ADGRD1: variants seen among roughly 807,000 people sequenced by gnomAD.
ADGRD1 encodes adhesion G protein-coupled receptor D1.
Under a neutral mutation model 113.4 loss-of-function variants are expected in ADGRD1, and 77 were observed. The ratio of observed to expected loss-of-function variants is 0.68; its 90% confidence interval spans 0.57 to 0.82. The LOEUF (loss-of-function observed/expected upper bound fraction) is 0.82, where lower values mean the gene tolerates loss of function less well. Among genes scored for constraint, ADGRD1 ranks in the 40% least tolerant of loss-of-function variants. The pLI, the probability that ADGRD1 is intolerant of heterozygous loss-of-function variation, is 0.00. For synonymous variants in ADGRD1, 474 were observed against 475.0 expected (o/e 1.00, Z 0.03); for missense variants, 1,036 against 1,139.1 (o/e 0.91, Z 1.30).
intron 5 of ADGRD1, among the ~76,000 whole-genome samples, chr12:130,985,976 T>G (rs1396601172): frequency 2.6e-5 from 4 of 152,154 alleles, no homozygotes; most frequent in Non-Finnish European, 5.9e-5. Context: ...TGACTGTATT[T>G]TTATTGGTCT....
At chr12:130,985,699 C>T (rs1459837779) in intron 5 of ADGRD1, among the ~76,000 whole-genome samples, 1 of 152,000 alleles carries the variant, frequency 6.6e-6, no homozygotes, top group African/African-American at 2.4e-5. Context: ...TTACAGACAC[C>T]TGCCACCACG....
In ADGRD1 at chr12:131,140,975, T is replaced by C. The variant is rs1309142584; in HGVS notation, c.*1712T>C. 6.6e-6 allele frequency: 1 copy of C among 152,248 alleles called. No individual in the cohort carries two copies. The highest frequency in any genetic ancestry group is 2.4e-5 in the African/African-American group (1 of 41,470). 9.4% of individuals were successfully genotyped at this position (152,248 alleles called of 1,614,324 possible). ...GAAGAGTCCCATGTTTAGTATGGAC[T>C]AAAGTCCCATGTTTAGCCACTGCCC... On this transcript the variant is annotated 3_prime_UTR_variant, in exon 25 of 25. Coordinates refer to ENST00000261654, the MANE Select transcript of ADGRD1 (RefSeq NM_198827.5).
At chr12:131,017,109 A>G (rs1458559291) in intron 13 of ADGRD1, among the ~76,000 whole-genome samples, 1 of 152,066 alleles carries the variant, frequency 6.6e-6, no homozygotes, top group Non-Finnish European at 1.5e-5. Context: ...CAGAGAGGGG[A>G]GGCAGGAGAT....
intron 13 of ADGRD1, among the ~76,000 whole-genome samples, chr12:131,033,847 G>A (rs1881077822): frequency 6.6e-6 from 1 of 152,182 alleles, no homozygotes; most frequent in Non-Finnish European, 1.5e-5. Flanking sequence ...GAAGGCTGGG[G>A]ACACGTGGTA....
At chr12:131,119,080 TCCTTA>T (rs1950530936) in intron 19 of ADGRD1, among the ~76,000 whole-genome samples, 1 of 152,326 alleles carries the variant, frequency 6.6e-6, no homozygotes, top group East Asian at 1.9e-4. Context: ...TGATTTTCTT[TCCTTA>T]CAAGTAAAAG....
At chr12:131,085,583 G>A (rs1886405114) in intron 15 of ADGRD1, among the ~76,000 whole-genome samples, 1 of 152,158 alleles carries the variant, frequency 6.6e-6, no homozygotes, top group Non-Finnish European at 1.5e-5. Flanking sequence ...TCATGTAGGT[G>A]GAAACCAGGA....
chr12:131,135,845 G>A (rs1298348360), intron 21 of ADGRD1, among the ~76,000 whole-genome samples, 192 bp from the exon 22 acceptor site: 2 of 152,228 alleles, frequency 1.3e-5, no homozygotes, highest in East Asian at 3.9e-4. Context: ...GTAAGGGGAT[G>A]GAGGTGTGGA....
chr12:130,961,788 T>TA (rs1010960151), intron 2 of ADGRD1, among the ~76,000 whole-genome samples: 1 of 152,156 alleles, frequency 6.6e-6, no homozygotes, highest in African/African-American at 2.4e-5. Flanking sequence ...TGTTTTATTT[T>TA]AAAAAATTGC....
At chr12:131,089,782 C>T (rs1261809590) in intron 15 of ADGRD1, among the ~76,000 whole-genome samples, 1 of 152,246 alleles carries the variant, frequency 6.6e-6, no homozygotes, top group Non-Finnish European at 1.5e-5. Flanking sequence ...CCATCACAGA[C>T]AAGAGTCATA....
intron 8 of ADGRD1, among the ~76,000 whole-genome samples, chr12:130,999,447 A>C (rs1188856360): frequency 6.6e-6 from 1 of 152,216 alleles, no homozygotes; most frequent in Non-Finnish European, 1.5e-5. Context: ...CTCAAAAAGC[A>C]TTTATCTCAT....
chr12:131,076,753 G>A, intron 13 of ADGRD1, 48 bp from the exon 14 acceptor site: 3 of 1,513,740 alleles, frequency 2.0e-6, no homozygotes, highest in Admixed American at 1.7e-5. Flanking sequence ...GAGAACCAGG[G>A]GCCTCTTCAG....
intron 18 of ADGRD1, among the ~76,000 whole-genome samples, chr12:131,117,349 TC>T (rs1243662012): frequency 1.3e-5 from 2 of 152,226 alleles, no homozygotes; most frequent in East Asian, 3.8e-4. Context: ...ATGTGATGGC[TC>T]ATATAACAAA....
chr12:131,012,561 C>T (rs1236793745), intron 12 of ADGRD1, among the ~76,000 whole-genome samples: 1 of 152,186 alleles, frequency 6.6e-6, no homozygotes, highest in Non-Finnish European at 1.5e-5. Flanking sequence ...CTGCGTGCTT[C>T]TTGGAGGCCT....
chr12:130,961,020 G>T (rs1244467959), intron 2 of ADGRD1, among the ~76,000 whole-genome samples: 1 of 152,210 alleles, frequency 6.6e-6, no homozygotes, highest in Non-Finnish European at 1.5e-5. Flanking sequence ...GGAGGATGGA[G>T]CCACGAAGCC....
intron 13 of ADGRD1, among the ~76,000 whole-genome samples, chr12:131,055,976 T>C (rs34855427): frequency 0.09 from 13,746 of 152,228 alleles, 861 homozygotes; most frequent in Non-Finnish European, 0.13. Flanking sequence ...GATCAGAATT[T>C]TACAAACTTT....
At chr12:131,056,705 C>A (rs746391795) in intron 13 of ADGRD1, among the ~76,000 whole-genome samples, 1 of 152,240 alleles carries the variant, frequency 6.6e-6, no homozygotes, top group African/African-American at 2.4e-5. Context: ...GCAGAGCCAG[C>A]ACCTTTGATG....
chr12:131,089,816 G>C (rs12814673), intron 15 of ADGRD1, among the ~76,000 whole-genome samples: 1 of 152,076 alleles, frequency 6.6e-6, no homozygotes, highest in Admixed American at 6.5e-5. Flanking sequence ...GGTCACATCA[G>C]GGGGCAGAGC....
At chr12:131,062,700 T>C (rs1246118113) in intron 13 of ADGRD1, among the ~76,000 whole-genome samples, 1 of 152,202 alleles carries the variant, frequency 6.6e-6, no homozygotes, top group Non-Finnish European at 1.5e-5. Context: ...CCTAGCCATG[T>C]GGAACTGTGA....
At chr12:131,013,488 TC>T (rs1878180411) in intron 12 of ADGRD1, among the ~76,000 whole-genome samples, 1 of 152,108 alleles carries the variant, frequency 6.6e-6, no homozygotes, top group African/African-American at 2.4e-5. Context: ...CACCTCGCCT[TC>T]TGGCATCTCC....
Sources: allele counts gnomAD v4.1 joint callset (sites outside exome capture counted in the v4.1 genomes callset), GRCh38; gene constraint gnomAD v4.1.1; transcripts MANE v1.5; gene names NCBI Gene and HGNC (gene_info 2026-07-23, HGNC 2026-07-21).